Variants in PLEKHG2 observed in about 807,000 individuals in gnomAD.
The protein encoded by PLEKHG2 is pleckstrin homology and RhoGEF domain containing G2.
PLEKHG2 carries 71 observed loss-of-function variants against 104.4 expected under a neutral mutation model. That is an observed-to-expected ratio of 0.68 (90% CI 0.56 to 0.83). The LOEUF is 0.83. Ranked by LOEUF, PLEKHG2 falls within the 40% of genes least tolerant of loss-of-function variation. The probability of loss-of-function intolerance (pLI) is 0.00; values close to 1 mark genes in which losing one functional copy is unlikely to be tolerated. For missense variants in PLEKHG2, 1,730 were observed against 1,809.4 expected, an observed-to-expected ratio of 0.96 and a Z score of 0.80; for synonymous variants, 728 against 737.0, an observed-to-expected ratio of 0.99 and a Z score of 0.20.
chr19:39,414,066 A>T lies in PLEKHG2; in HGVS notation c.-21A>T. 1 of 1,546,002 alleles carries T rather than the reference A, an allele frequency of 6.5e-7. No individual in the cohort carries two copies. Among genetic ancestry groups the T allele is most frequent in the Non-Finnish European group, 8.7e-7 (1 of 1,143,166 alleles). ...TCCAAGAAGGGGCTCTTTCTGCAGG[A>T]CTCTGCTGGGCCGCTCAGCCATGCC... On this transcript the variant is annotated splice_region_variant and 5_prime_UTR_variant, in exon 2 of 19. Transcript: ENST00000425673.
At position 39,421,310 on chromosome 19, in the gene PLEKHG2, T is replaced by C; in HGVS notation, c.1503+11T>C. The C allele has an allele frequency of 6.2e-7, 1 of 1,613,376 alleles. No individual in the cohort carries two copies. On this transcript the variant is annotated intron_variant, in intron 16 of 18. Transcript: ENST00000425673. ...AAGCCTGGATTCAAGGTAAGAGATATCTCGAGATAGGGTCTGGGCACCTTG... is the reference window on the plus strand; with the variant it reads ...AAGCCTGGATTCAAGGTAAGAGATACCTCGAGATAGGGTCTGGGCACCTTG...
rs1338305167 is a variant in PLEKHG2 at position 39,423,641 on chromosome 19, C to T, written c.2587C>T (p.Gln863Ter). The change falls in exon 18 of 19, where the codon CAG (glutamine) becomes TAG (stop). Residue 863 changes from glutamine (Q) to a stop codon, truncating the protein, a stop_gained. Transcript: ENST00000425673. LOFTEE classifies it low-confidence loss of function (END_TRUNC). ...GCCATCCCCCTGTCTGCCCCAGGAG[C>T]AGGCAGAGCCAGGTGAGGTCCGGGT... ...PQPSPCLPQE[Q>*]AEPGLLPAFG... 2.0e-6 allele frequency: 3 copies of T among 1,538,296 alleles called. No individual in the cohort carries two copies. The highest frequency in any genetic ancestry group is 1.7e-6 in the Non-Finnish European group (2 of 1,143,500).
At chr19:39,419,606 G>A (rs1047598306) in intron 11 of PLEKHG2, among the ~76,000 whole-genome samples, 12 of 152,142 alleles carry the variant, frequency 7.9e-5, no homozygotes, top group Admixed American at 2.6e-4. Flanking sequence ...GGCCGGGCGC[G>A]GTGGCTCATG....
In PLEKHG2 at chr19:39,423,111, C is replaced by G. The variant is rs2078726152; in HGVS notation, c.2057C>G (p.Thr686Ser). The G allele has an allele frequency of 6.2e-7, 1 of 1,614,164 alleles. No individual in the cohort carries two copies. Among genetic ancestry groups the G allele is most frequent in the Non-Finnish European group, 8.5e-7 (1 of 1,179,996 alleles). Residue 686 changes from threonine to serine, a missense_variant, in exon 18 of 19, where the codon ACT (threonine) becomes AGT (serine). By Grantham distance (58) the Thr-to-Ser change is moderately conservative. Coordinates refer to ENST00000425673, the MANE Select transcript of PLEKHG2 (RefSeq NM_022835.3). ...CCCAACACCCCCAGTCTGTCTAGCA[C>G]TCCCACCCTCTCCTGTGACTCCTGG... ...SVPNTPSLSS[T>S]PTLSCDSWLQ...
intron 2 of PLEKHG2, 33 bp from the exon 3 acceptor site, chr19:39,414,959 A>G (rs1466197030): frequency 1.3e-6 from 2 of 1,549,126 alleles, no homozygotes; most frequent in Admixed American, 1.9e-5. Flanking sequence ...GCATGGGGAG[A>G]TTTCTCTGAC....
At chr19:39,417,192 G>C (rs574414583) in intron 7 of PLEKHG2, among the ~76,000 whole-genome samples, 192 bp downstream of exon 7, 1 of 146,130 alleles carries the variant, frequency 6.8e-6, no homozygotes, top group African/African-American at 2.6e-5. Context: ...CACTCTTGTC[G>C]ATGAGGCTGG....
intron 17 of PLEKHG2, among the ~76,000 whole-genome samples, 162 bp from the exon 18 acceptor site, chr19:39,422,570 G>A (rs2078716530): frequency 6.7e-6 from 1 of 148,638 alleles, no homozygotes; most frequent in African/African-American, 2.5e-5. Flanking sequence ...TGTATTTTTA[G>A]TAGAGACAGG....
At position 39,423,979 on chromosome 19, in the gene PLEKHG2, C is replaced by A. The variant is rs1411665461; in HGVS notation, c.2846C>A (p.Ala949Asp). The change falls in exon 19 of 19, where the codon GCT (alanine) becomes GAT (aspartate). Residue 949 changes from alanine (A) to aspartate (D), a missense_variant. Physicochemically the swap from Ala to Asp is moderately radical, Grantham distance 126 (BLOSUM62 -2). Coordinates refer to ENST00000425673, the MANE Select transcript of PLEKHG2 (RefSeq NM_022835.3). ...CAAGGAGGTTCCCGGCATGTCCAGG[C>A]TCCAGCCGCCACACCTTTGCCCAAG... ...PEQGGSRHVQAPAATPLPKQE... is the reference protein window; with the variant it reads ...PEQGGSRHVQDPAATPLPKQE... The A allele has an allele frequency of 3.1e-6, 5 of 1,613,968 alleles. No homozygotes were observed. The highest frequency in any genetic ancestry group is 4.2e-6 in the Non-Finnish European group (5 of 1,179,992).
Position 39,417,559 on chromosome 19 carries a change from T to C in PLEKHG2, c.749T>C (p.Leu250Pro), listed in dbSNP as rs1295833530. The change falls in exon 8 of 19, where the codon CTA (leucine) becomes CCA (proline). Residue 250 changes from leucine to proline, a missense_variant. Coordinates refer to ENST00000425673, the MANE Select transcript of PLEKHG2 (RefSeq NM_022835.3). ...ILKYHLLLQELGKHWAEGPGT... is the reference protein window; with the variant it reads ...ILKYHLLLQEPGKHWAEGPGT... ...TGCCTGGTGGCTGCCTGACAGGAAC[T>C]AGGGAAGCACTGGGCGGAGGGCCCA... 6.2e-7 allele frequency: 1 copy of C among 1,613,888 alleles called. No individual in the cohort carries two copies. The highest frequency in any genetic ancestry group is 1.7e-5 in the Admixed American group (1 of 60,012).
Position 39,423,483 on chromosome 19 carries a change from C to A in PLEKHG2, c.2429C>A (p.Ser810Ter). Residue 810 changes from serine to a stop codon, truncating the protein, a stop_gained, in exon 18 of 19, where the codon TCA becomes TAA. Transcript: ENST00000425673. LOFTEE classifies it high-confidence loss of function. ...AGCGGGAAGGCAGGAGCCCCGAGTT[C>A]AGAAAGGACGGCGTCCCGAGTGCGA... ...SGSGKAGAPS[S>*]ERTASRVREL... The A allele has an allele frequency of 6.3e-7, 1 of 1,596,902 alleles. No homozygotes were observed.
In PLEKHG2 at chr19:39,419,627, C is replaced by G. The variant is rs541708550; in HGVS notation, c.1263+624C>G. ...GCGCGGTGGCTCATGCCTGTAATCC[C>G]AGCACTTTGGGAGGCCGAGGCGGGC... is the stretch of plus-strand genomic sequence containing the variant. On this transcript the variant is annotated intron_variant, in intron 11 of 18. Transcript: ENST00000425673. Among the ~76,000 whole-genome samples, 5 of 152,260 alleles carry G rather than the reference C, an allele frequency of 3.3e-5. No homozygotes were observed. In the East Asian group the frequency reaches 7.7e-4, roughly 24 times the overall value.
rs144606612 is a variant in PLEKHG2 at position 39,420,984 on chromosome 19, C to T, written c.1435C>T (p.Arg479Cys). Residue 479 changes from arginine to cysteine, a missense_variant, in exon 14 of 19, where the codon CGC becomes TGC. Coordinates refer to ENST00000425673, the MANE Select transcript of PLEKHG2 (RefSeq NM_022835.3). ...SPGPSVIRRG[R>C]RQSEPVKDPY... ...TGGGCCCTCTGTGATTCGCCGAGGC[C>T]GCAGGCAGTCTGGTGAGCACTCACC... 97 of 1,614,034 alleles carry T rather than the reference C, an allele frequency of 6.0e-5. No individual in the cohort carries two copies. The African/African-American group carries it at 8.9e-4, about 15-fold the overall frequency.
In PLEKHG2 at chr19:39,418,017, G is replaced by T. The variant is rs117405645; in HGVS notation, c.995G>T (p.Gly332Val). 14,556 of 1,562,324 alleles carry T rather than the reference G, an allele frequency of 9.3e-3. 72 individuals are homozygous for T. Among genetic ancestry groups the T allele is most frequent in the Middle Eastern group, 0.022 (128 of 5,772 alleles). Reference protein sequence around the residue: ...GGGGGGPRLRGGERLLFLFSR... With the variant: ...GGGGGGPRLRVGERLLFLFSR... ...GGAGGGGGTGGCCCCCGGCTACGAG[G>T]GGGTGAGCGGCTGCTCTTCCTGTTC... Residue 332 changes from glycine (G) to valine (V), a missense_variant, in exon 9 of 19, where the codon GGG becomes GTG. By Grantham distance (109) the Gly-to-Val change is moderately radical. Coordinates refer to ENST00000425673, the MANE Select transcript of PLEKHG2 (RefSeq NM_022835.3).
In PLEKHG2 at chr19:39,413,353, C is replaced by G. The variant is rs987808569; in HGVS notation, c.-82C>G. The G allele has an allele frequency of 1.3e-5, 2 of 152,224 alleles. No individual in the cohort carries two copies. Among genetic ancestry groups the G allele is most frequent in the African/African-American group, 2.4e-5 (1 of 41,442 alleles). The allele number at this position is 152,224 out of a possible 1,614,324, so 9.4% of individuals were successfully genotyped here. On this transcript the variant is annotated 5_prime_UTR_variant, in exon 1 of 19. Coordinates refer to ENST00000425673, the MANE Select transcript of PLEKHG2 (RefSeq NM_022835.3). This position sits in a 1 kb window ranked among gnomAD's most constrained non-coding sequence, Gnocchi z 4.5. The stretch of plus-strand genomic sequence containing the variant: ...CTGGGCTCCGCACCTCCCTGGGGAC[C>G]GCGTCGGGGTCGCGCAGGAGCCGGG...
At chr19:39,418,665 G>A in intron 9 of PLEKHG2, 69 bp from the exon 10 acceptor site, 2 of 1,275,186 alleles carry the variant, frequency 1.6e-6, no homozygotes, top group Non-Finnish European at 2.2e-6. Flanking sequence ...ACCTCCAAGG[G>A]TGTCTCCGTA....
rs777148190 is a variant in PLEKHG2, at chr19:39,418,833, A to G, written c.1176+7A>G. The G allele has an allele frequency of 1.9e-6, 3 of 1,605,290 alleles. No homozygotes were observed. Among genetic ancestry groups the G allele is most frequent in the African/African-American group, 1.3e-5 (1 of 74,832 alleles). ...GCACAGACACCTGCTCCAGGTGAGC[A>G]TGTAGTGGGATCAGGCTGGCAGGGA... On this transcript the variant is annotated splice_region_variant and intron_variant, in intron 10 of 18. Coordinates refer to ENST00000425673, the MANE Select transcript of PLEKHG2 (RefSeq NM_022835.3).
Position 39,416,824 on chromosome 19 carries a change from C to A in PLEKHG2, c.594-26C>A, listed in dbSNP as rs772359602. The A allele has an allele frequency of 1.3e-6, 2 of 1,566,956 alleles. No homozygotes were observed. The highest frequency in any genetic ancestry group is 2.3e-5 in the East Asian group (1 of 44,392). ...ACCCCGCCCACTGGAACTGACAATC[C>A]CCACTGACCTGTGCTGTGCCCCCAG... On this transcript the variant is annotated intron_variant, in intron 6 of 18. Coordinates refer to ENST00000425673, the MANE Select transcript of PLEKHG2 (RefSeq NM_022835.3). The surrounding 1 kb of genome is among the most constrained non-coding windows in gnomAD (Gnocchi z 4.5).
chr19:39,421,256 C>A lies in PLEKHG2; in HGVS notation c.1487-27C>A, dbSNP rs766130238. ...TTTCCCTTACATCTCACTAATGCTT[C>A]TCTCTCTCTCATCTCTCCATCCTTA... On this transcript the variant is annotated intron_variant, in intron 15 of 18. Coordinates refer to ENST00000425673, the MANE Select transcript of PLEKHG2 (RefSeq NM_022835.3). 4.4e-6 allele frequency: 7 copies of A among 1,605,146 alleles called. No homozygotes were observed. The Admixed American group carries it at 1.2e-4, about 27-fold the overall frequency.
Position 39,423,045 on chromosome 19 carries a change from A to C in PLEKHG2, c.1991A>C (p.Asp664Ala). 1.2e-6 allele frequency: 2 copies of C among 1,613,842 alleles called. No individual in the cohort carries two copies. The highest frequency in any genetic ancestry group is 2.2e-5 in the South Asian group (2 of 91,074). The stretch of plus-strand genomic sequence containing the variant: ...CTTCCTAGTCTCTCTGACATTTCCG[A>C]TGTTTTTGAGATGCCCTGCCTTCCA... ...SRLPSLSDISDVFEMPCLPAI... is the reference protein window; with the variant it reads ...SRLPSLSDISAVFEMPCLPAI... Residue 664 changes from aspartate (D) to alanine (A), a missense_variant, in exon 18 of 19, where the codon GAT becomes GCT. Transcript: ENST00000425673.
Sources: gnomAD v4.1 joint callset for allele counts (sites outside exome capture counted in the v4.1 genomes callset) on GRCh38, gnomAD v4.1.1 for gene constraint, Gnocchi (gnomAD v3.1) non-coding constraint, MANE v1.5 for transcripts, NCBI Gene and HGNC (gene_info 2026-07-23, HGNC 2026-07-21) for gene names.